TEC: variants seen among roughly 807,000 people sequenced by gnomAD.
The protein encoded by TEC is tec protein tyrosine kinase.
In TEC, 72 loss-of-function variants were observed where a neutral mutation model predicts 93.0. The observed-to-expected ratio is 0.77, with a 90% CI of 0.64 to 0.94. The LOEUF (loss-of-function observed/expected upper bound fraction) is 0.94. TEC is among the 40% of genes least tolerant of loss of function. The pLI is 0.00. For missense variants in TEC, 630 were observed against 757.9 expected, an observed-to-expected ratio of 0.83 and a Z score of 1.98; for synonymous variants, 249 against 247.7, an observed-to-expected ratio of 1.01 and a Z score of -0.05.
At chr4:48,160,131 C>A (rs1188054590) in intron 8 of TEC, among the ~76,000 whole-genome samples, 1 of 152,094 alleles carries the variant, frequency 6.6e-6, no homozygotes, top group Non-Finnish European at 1.5e-5. Flanking sequence ...CACTGTTTTG[C>A]AAATGAAAAA....
At chr4:48,179,358 ATATATATATATATATATATTTT>A (rs1429850304) in intron 2 of TEC, among the ~76,000 whole-genome samples, 28 of 35,952 alleles carry the variant, frequency 7.8e-4, no homozygotes, top group Non-Finnish European at 1.3e-3. Context: ...ATATATATAT[ATATATATATATATATATATTTT>A]TTTTTTTTTT....
chr4:48,185,639 T>C (rs1455668246), intron 2 of TEC, among the ~76,000 whole-genome samples: 1 of 152,164 alleles, frequency 6.6e-6, no homozygotes, highest in African/African-American at 2.4e-5. Flanking sequence ...AAGAAACATA[T>C]TAAGAAACCA....
intron 17 of TEC, 128 bp downstream of exon 17, chr4:48,138,537 T>C (rs1577689925): frequency 1.8e-6 from 2 of 1,100,956 alleles, no homozygotes; most frequent in East Asian, 4.9e-5. Context: ...GAGGGTTGGC[T>C]TCCTACCTAG....
chr4:48,212,325 G>A (rs1198655253), intron 2 of TEC, among the ~76,000 whole-genome samples: 2 of 152,018 alleles, frequency 1.3e-5, no homozygotes, highest in Non-Finnish European at 2.9e-5. Context: ...AAGAAGGGAA[G>A]GAGGAAGGAA....
At chr4:48,211,709 C>T (rs1445739709) in intron 2 of TEC, among the ~76,000 whole-genome samples, 1 of 152,138 alleles carries the variant, frequency 6.6e-6, no homozygotes, top group Non-Finnish European at 1.5e-5. Flanking sequence ...AGAAGAATCA[C>T]TTAAAGTATA....
intron 2 of TEC, among the ~76,000 whole-genome samples, chr4:48,201,461 C>T (rs1342367961): frequency 6.6e-6 from 1 of 152,060 alleles, no homozygotes; most frequent in Non-Finnish European, 1.5e-5. Context: ...ACGAAAGAAC[C>T]CTGAGGAACA....
intron 2 of TEC, among the ~76,000 whole-genome samples, chr4:48,191,707 C>T (rs1722098577): frequency 6.6e-6 from 1 of 152,076 alleles, no homozygotes; most frequent in African/African-American, 2.4e-5. Context: ...TGGCTCATGC[C>T]TGTAATCCCA....
chr4:48,269,137 A>G (rs1023082364), intron 1 of TEC, among the ~76,000 whole-genome samples: 11 of 152,130 alleles, frequency 7.2e-5, no homozygotes, highest in African/African-American at 2.7e-4. Flanking sequence ...GAGAACGTGA[A>G]CTTCACTGGG....
At chr4:48,203,088 GCA>G (rs776371277) in intron 2 of TEC, among the ~76,000 whole-genome samples, 1 of 152,184 alleles carries the variant, frequency 6.6e-6, no homozygotes, top group Non-Finnish European at 1.5e-5. Context: ...TTATGGCCAG[GCA>G]CAGTGGCTCA....
chr4:48,198,105 T>G (rs1027053443), intron 2 of TEC, among the ~76,000 whole-genome samples: 4 of 152,256 alleles, frequency 2.6e-5, no homozygotes, highest in Non-Finnish European at 4.4e-5. Context: ...TAAAAATCTC[T>G]GAACTCATTT....
chr4:48,217,549 T>C lies in TEC; in HGVS notation c.138+10928A>G, dbSNP rs1478148531. Reference sequence around the variant, plus strand: ...ATTTTTAAGTTTGTGGACTCTTACGTGAAGTCATTGTATGGACTCTTACAT... The same window carrying C: ...ATTTTTAAGTTTGTGGACTCTTACGCGAAGTCATTGTATGGACTCTTACAT... On this transcript the variant is annotated intron_variant, in intron 2 of 17. Transcript: ENST00000381501. Among the ~76,000 whole-genome samples the C allele has an allele frequency of 3.3e-5, 5 of 152,202 alleles. No individual in the cohort carries two copies. The East Asian group carries it at 9.6e-4, about 29-fold the overall frequency.
chr4:48,171,215 TAACTTAC>T (rs1721098423), intron 4 of TEC, among the ~76,000 whole-genome samples, 146 bp downstream of exon 4: 1 of 152,244 alleles, frequency 6.6e-6, no homozygotes, highest in Non-Finnish European at 1.5e-5. Flanking sequence ...TATGCTGGTA[TAACTTAC>T]AACAACAGCA....
At chr4:48,225,090 A>G (rs545328501) in intron 2 of TEC, among the ~76,000 whole-genome samples, 1 of 152,206 alleles carries the variant, frequency 6.6e-6, no homozygotes, top group African/African-American at 2.4e-5. Flanking sequence ...TTACTTCTAG[A>G]GTCACATTTT....
chr4:48,153,938 A>C (rs1720288823), intron 9 of TEC, among the ~76,000 whole-genome samples: 1 of 152,254 alleles, frequency 6.6e-6, no homozygotes. Context: ...TGTGGTGGTC[A>C]GTGGAAAGCC....
At chr4:48,175,022 C>A (rs1024479247) in intron 3 of TEC, among the ~76,000 whole-genome samples, 16 of 152,170 alleles carry the variant, frequency 1.1e-4, no homozygotes, top group Admixed American at 2.6e-4. Context: ...AGCCAGTAAG[C>A]AAATCAGGCA....
intron 8 of TEC, among the ~76,000 whole-genome samples, chr4:48,160,809 G>C (rs1213537945): frequency 3.5e-5 from 5 of 144,894 alleles, no homozygotes; most frequent in East Asian, 2.2e-4. Flanking sequence ...GAAAGAGAAA[G>C]AGAAAGAGAG....
At chr4:48,188,888 T>TGC (rs1039885050) in intron 2 of TEC, among the ~76,000 whole-genome samples, 8 of 151,942 alleles carry the variant, frequency 5.3e-5, no homozygotes, top group Non-Finnish European at 8.8e-5. Context: ...TGTGTGTGTG[T>TGC]GCGCGCCCAT....
intron 1 of TEC, among the ~76,000 whole-genome samples, chr4:48,263,718 G>T (rs1050150038): frequency 1.2e-4 from 19 of 152,026 alleles, no homozygotes; most frequent in African/African-American, 4.1e-4. Context: ...AAAAAGAAAA[G>T]AAAGAAAGAA....
intron 1 of TEC, among the ~76,000 whole-genome samples, chr4:48,264,468 T>G (rs1045286011): frequency 2.7e-4 from 41 of 152,182 alleles, no homozygotes; most frequent in African/African-American, 9.4e-4. Context: ...TCTTTTCCAC[T>G]TACTGACAAC....
Sources: allele counts gnomAD v4.1 joint callset (sites outside exome capture counted in the v4.1 genomes callset), GRCh38; gene constraint gnomAD v4.1.1; transcripts MANE v1.5; gene names NCBI Gene and HGNC (gene_info 2026-07-23, HGNC 2026-07-21).